The following CRLF2 variants were observed in gnomAD, a reference collection of about 807,000 sequenced individuals.
CRLF2 encodes the protein cytokine receptor like factor 2, also known as cytokine receptor-like factor 2.
CRLF2 carries 41 observed loss-of-function variants against 38.7 expected under a neutral mutation model. The observed-to-expected ratio is 1.06, with a 90% CI of 0.83 to 1.37. The LOEUF (loss-of-function observed/expected upper bound fraction) is 1.37, where lower values mean the gene tolerates loss of function less well. CRLF2 is among the 40% of genes most tolerant of loss of function. The pLI is 0.00. For synonymous variants in CRLF2, 140 were observed against 128.8 expected (o/e 1.09, Z -0.59); for missense variants, 377 against 322.2 (o/e 1.17, Z -1.30).
At chrX:1,192,349 C>T (rs1439873357) in intron 7 of CRLF2, among the ~76,000 whole-genome samples, 23 of 152,020 alleles carry the variant, frequency 1.5e-4, no homozygotes, top group African/African-American at 4.3e-4. Flanking sequence ...AAAAACCAGG[C>T]GCGGTGGCTC....
intron 6 of CRLF2, among the ~76,000 whole-genome samples, chrX:1,196,337 G>A (rs1233474754): frequency 6.6e-5 from 10 of 151,214 alleles, no homozygotes; most frequent in Admixed American, 2.0e-4. Context: ...ACAGGTGCAC[G>A]CCACCACACC....
intron 1 of CRLF2, among the ~76,000 whole-genome samples, chrX:1,209,265 CGTATT>C (rs1476536872): frequency 6.8e-6 from 1 of 146,634 alleles, no homozygotes; most frequent in Non-Finnish European, 1.5e-5. Flanking sequence ...CCGCGCCTGA[CGTATT>C]GTATTGCATT....
rs1473708132 is a variant in CRLF2, at chrX:1,191,782, C to T, written c.853-622G>A. On this transcript the variant is annotated intron_variant, in intron 7 of 7. Coordinates refer to ENST00000400841, the MANE Select transcript of CRLF2 (RefSeq NM_022148.4). Reference sequence around the variant, plus strand: ...CCGACCTCAGGTGATCCACCCGACTCGACCTCCCAAAGTGCTGGGACCAAA... The same window carrying T: ...CCGACCTCAGGTGATCCACCCGACTTGACCTCCCAAAGTGCTGGGACCAAA... Among the ~76,000 whole-genome samples, 3 of 151,720 alleles carry T rather than the reference C, an allele frequency of 2.0e-5. No homozygotes were observed. In the South Asian group the frequency reaches 6.2e-4, roughly 32 times the overall value.
At chrX:1,191,281 C>CTTTCT (rs1246502730) in intron 7 of CRLF2, 121 bp from the exon 8 acceptor site, 7 of 395,738 alleles carry the variant, frequency 1.8e-5, no homozygotes, top group Non-Finnish European at 3.1e-5. Context: ...CTTTCTCTCT[C>CTTTCT]TTTCTTTTCT....
chrX:1,194,757 A>T (rs1211644291), intron 6 of CRLF2, among the ~76,000 whole-genome samples: 2 of 151,798 alleles, frequency 1.3e-5, no homozygotes, highest in African/African-American at 4.8e-5. Flanking sequence ...GTTGGCCAGG[A>T]GTGGTGGCTC....
At chrX:1,208,148 T>C (rs1230403428) in intron 2 of CRLF2, among the ~76,000 whole-genome samples, 2 of 152,126 alleles carry the variant, frequency 1.3e-5, no homozygotes, top group Non-Finnish European at 2.9e-5. Context: ...CGGGTAAGGC[T>C]GTGAAATGTT....
chrX:1,198,463 G>A, intron 5 of CRLF2, 99 bp downstream of exon 5: 1 of 961,362 alleles, frequency 1.0e-6, no homozygotes, highest in Non-Finnish European at 1.5e-6. Context: ...CCACCTCGAA[G>A]GCAGGACACC....
At chrX:1,206,630 CA>C in intron 2 of CRLF2, 31 bp from the exon 3 acceptor site, 1 of 1,596,114 alleles carries the variant, frequency 6.3e-7, no homozygotes, top group Non-Finnish European at 8.5e-7. Flanking sequence ...CATTCAGCAA[CA>C]AAACAAAAAA....
rs199713286 is a variant in CRLF2 at position 1,212,555 on chromosome X, C to T, written c.79+1G>A. On this transcript the variant is annotated splice_donor_variant, in intron 1 of 7. Coordinates refer to ENST00000400841, the MANE Select transcript of CRLF2 (RefSeq NM_022148.4). LOFTEE classifies it high-confidence loss of function. ...CAAGAAGAGGGTGTTTAAATAATTA[C>T]CTGCTCCTCCTTGCCCCAAAGCCAT... 3.6e-4 allele frequency: 587 copies of T among 1,609,862 alleles called. 1 individual carries two copies. The highest frequency in any genetic ancestry group is 4.5e-4 in the Non-Finnish European group (532 of 1,176,906).
chrX:1,195,862 A>T (rs2147825201), intron 6 of CRLF2, among the ~76,000 whole-genome samples: 1 of 139,928 alleles, frequency 7.1e-6, no homozygotes, highest in East Asian at 2.0e-4. Context: ...TTTTATATAG[A>T]TTAAATTAAA....
In CRLF2 at chrX:1,198,696, G is replaced by C. The variant is rs373430886; in HGVS notation, c.512C>G (p.Thr171Ser). The C allele has an allele frequency of 3.1e-4, 497 of 1,611,548 alleles. 5 individuals carry two copies. The highest frequency in any genetic ancestry group is 2.6e-3 in the Middle Eastern group (16 of 6,054). Residue 171 changes from threonine to serine, a missense_variant, in exon 5 of 8, where the codon ACC becomes AGC. Coordinates refer to ENST00000400841, the MANE Select transcript of CRLF2 (RefSeq NM_022148.4). ...CTTCTCGGCATCCAAGCCTTCTATGGTGACGTTGCAGGTATTTTCCTGTTT... is the reference window on the plus strand; with the variant it reads ...CTTCTCGGCATCCAAGCCTTCTATGCTGACGTTGCAGGTATTTTCCTGTTT... ...QSKQENTCNV[T>S]IEGLDAEKCY...
At chrX:1,209,859 T>G (rs1420250633) in intron 1 of CRLF2, among the ~76,000 whole-genome samples, 1 of 151,508 alleles carries the variant, frequency 6.6e-6, no homozygotes, top group Non-Finnish European at 1.5e-5. Context: ...ATCTTAACAC[T>G]GGGAGGCCGA....
Position 1,198,717 on chromosome X carries a change from T to C in CRLF2, c.491A>G (p.Gln164Arg), listed in dbSNP as rs2086544967. The C allele has an allele frequency of 6.3e-7, 1 of 1,598,654 alleles. No homozygotes were observed. Among genetic ancestry groups the C allele is most frequent in the South Asian group, 1.1e-5 (1 of 90,544 alleles). The change falls in exon 5 of 8, where the codon CAG (glutamine) becomes CGG (arginine). Residue 164 changes from glutamine to arginine, a missense_variant. By Grantham distance (43) the Gln-to-Arg change is conservative. Transcript: ENST00000400841. ...TATGGTGACGTTGCAGGTATTTTCC[T>C]GTTTGGACTGGAGAAACATACACAC... The part of the protein sequence containing the change: ...SPFDTEWQSK[Q>R]ENTCNVTIEG...
rs376707929 is a variant in CRLF2 at position 1,208,767 on chromosome X, C to T, written c.182+39G>A. ...GACGGCTCAGAAGAGCGATTTTGAG[C>T]CCCCTGGGCGTGGGGTTCGCTTTCT... On this transcript the variant is annotated intron_variant, in intron 2 of 7. Transcript: ENST00000400841. 13 of 1,208,490 alleles carry T rather than the reference C, an allele frequency of 1.1e-5. No homozygotes were observed. In the African/African-American group the frequency reaches 1.8e-4, roughly 17 times the overall value. The allele number at this position is 1,208,490 out of a possible 1,614,324, so 74.9% of individuals were successfully genotyped here. A position where few individuals can be genotyped will look rare whatever the true frequency, so the allele number is the denominator to read the frequency against.
intron 6 of CRLF2, among the ~76,000 whole-genome samples, chrX:1,194,784 C>T (rs2086448760): frequency 6.6e-6 from 1 of 152,112 alleles, no homozygotes; most frequent in Admixed American, 6.6e-5. Context: ...GTCATCCCAG[C>T]ACTTTGGGAG....
intron 5 of CRLF2, among the ~76,000 whole-genome samples, chrX:1,197,795 C>G (rs2086515105): frequency 6.6e-6 from 1 of 151,104 alleles, no homozygotes; most frequent in African/African-American, 2.4e-5. Flanking sequence ...GCCTGGACCA[C>G]AGACTGAGAC....
In CRLF2 at chrX:1,198,726, T is replaced by G. The variant is rs1360344640; in HGVS notation, c.484-2A>C. 3 of 1,488,906 alleles carry G rather than the reference T, an allele frequency of 2.0e-6. No individual in the cohort carries two copies. Among genetic ancestry groups the G allele is most frequent in the Non-Finnish European group, 2.7e-6 (3 of 1,092,246 alleles). 92.2% of individuals were successfully genotyped at this position (1,488,906 alleles called of 1,614,324 possible). On this transcript the variant is annotated splice_acceptor_variant, in intron 4 of 7. Transcript: ENST00000400841. LOFTEE classifies it high-confidence loss of function. The stretch of plus-strand genomic sequence containing the variant: ...GTTGCAGGTATTTTCCTGTTTGGAC[T>G]GGAGAAACATACACACACACACACA...
chrX:1,200,632 A>C (rs1284562273), intron 4 of CRLF2, among the ~76,000 whole-genome samples: 6 of 116,190 alleles, frequency 5.2e-5, no homozygotes, highest in African/African-American at 1.5e-4. Context: ...AAATATGCAT[A>C]TATAAGGTAT....
intron 4 of CRLF2, among the ~76,000 whole-genome samples, chrX:1,199,935 GTGTGTATATA>G (rs1214340493): frequency 3.5e-5 from 2 of 56,654 alleles, no homozygotes; most frequent in South Asian, 1.6e-3. Context: ...TGTATGTAAG[GTGTGTATATA>G]TGTGTATATA....
Sources: gnomAD v4.1 joint callset for allele counts (sites outside exome capture counted in the v4.1 genomes callset) on GRCh38, gnomAD v4.1.1 for gene constraint, MANE v1.5 for transcripts, NCBI Gene and HGNC (gene_info 2026-07-23, HGNC 2026-07-21) for gene names.